CLSTN2: variants seen among roughly 807,000 people sequenced by gnomAD.
The protein encoded by CLSTN2 is calsyntenin-2.
CLSTN2 carries 48 observed loss-of-function variants against 101.2 expected under a neutral mutation model. That is an observed-to-expected ratio of 0.47 (90% confidence interval 0.38 to 0.60). The LOEUF (loss-of-function observed/expected upper bound fraction) is 0.60, where lower values mean the gene tolerates loss of function less well. Among genes scored for constraint, CLSTN2 ranks in the 20% least tolerant of loss-of-function variants. CLSTN2 has a pLI of 0.00. For missense variants in CLSTN2, 1,160 were observed against 1,238.2 expected (o/e 0.94, Z 0.95); for synonymous variants, 481 against 463.6 (o/e 1.04, Z -0.48).
At chr3:139,979,303 T>C (rs1209951402) in intron 1 of CLSTN2, among the ~76,000 whole-genome samples, 3 of 152,234 alleles carry the variant, frequency 2.0e-5, no homozygotes, top group Admixed American at 2.0e-4. Flanking sequence ...TTCTCACCTG[T>C]TCACAGAGGG....
At chr3:140,138,525 A>G (rs4683481) in intron 1 of CLSTN2, among the ~76,000 whole-genome samples, 127,822 of 152,172 alleles carry the variant, frequency 0.84, 53,771 homozygotes, top group East Asian at 0.92. Context: ...GGGGCTGTGG[A>G]AAGCCAGGTA....
chr3:140,156,621 G>A (rs2009958062), intron 1 of CLSTN2, among the ~76,000 whole-genome samples: 2 of 152,198 alleles, frequency 1.3e-5, no homozygotes, highest in Admixed American at 6.5e-5. Context: ...CAGTGACTGA[G>A]TGTGGGGATA....
At chr3:140,084,119 C>T (rs1416918408) in intron 1 of CLSTN2, among the ~76,000 whole-genome samples, 3 of 152,172 alleles carry the variant, frequency 2.0e-5, no homozygotes, top group Non-Finnish European at 4.4e-5. Flanking sequence ...TGGGAGGTCA[C>T]ATCCCGATGA....
chr3:140,251,327 T>C (rs1169517533), intron 2 of CLSTN2, among the ~76,000 whole-genome samples: 1 of 152,230 alleles, frequency 6.6e-6, no homozygotes, highest in African/African-American at 2.4e-5. Context: ...TGTCTCCTTC[T>C]ATTACAAAAG....
chr3:140,416,993 A>T (rs145251415), intron 4 of CLSTN2, among the ~76,000 whole-genome samples: 130 of 152,364 alleles, frequency 8.5e-4, no homozygotes, highest in African/African-American at 1.7e-3. Flanking sequence ...GAAAAGTGTT[A>T]TATGCCTTGT....
Position 140,417,504 on chromosome 3 carries a change from G to A in CLSTN2, c.638-3621G>A, listed in dbSNP as rs141952213. ...ATTTAAATTCTACTAGAAGAGTGTT[G>A]GTCAGTATGTCTGTTTTATCCCCTC... is the stretch of plus-strand genomic sequence containing the variant. On this transcript the variant is annotated intron_variant, in intron 4 of 16. Transcript: ENST00000458420. Among the ~76,000 whole-genome samples the A allele has an allele frequency of 1.6e-3, 248 of 152,126 alleles. 3 individuals are homozygous for A. The highest frequency in any genetic ancestry group is 5.8e-3 in the African/African-American group (239 of 41,530).
intron 1 of CLSTN2, among the ~76,000 whole-genome samples, chr3:139,981,807 C>G (rs1236505148): frequency 6.6e-6 from 1 of 152,224 alleles, no homozygotes; most frequent in Non-Finnish European, 1.5e-5. Flanking sequence ...CTGAGAGCCT[C>G]TATCTCCTTT....
chr3:140,385,286 C>T (rs113686600), intron 2 of CLSTN2, among the ~76,000 whole-genome samples: 1,517 of 150,840 alleles, frequency 0.01, 24 homozygotes, highest in African/African-American at 0.033. Context: ...ATCCATGAGA[C>T]GGCTCACTCT....
chr3:139,976,290 G>A (rs1023623084), intron 1 of CLSTN2, among the ~76,000 whole-genome samples: 1 of 152,152 alleles, frequency 6.6e-6, no homozygotes, highest in African/African-American at 2.4e-5. Context: ...AGGAATTAAA[G>A]GCCTTCCAGG....
chr3:139,942,106 G>C (rs550581241), intron 1 of CLSTN2, among the ~76,000 whole-genome samples: 162 of 152,302 alleles, frequency 1.1e-3, no homozygotes, highest in African/African-American at 3.7e-3. Flanking sequence ...ATGTCTGCTT[G>C]AGGAAGGCTC....
intron 2 of CLSTN2, among the ~76,000 whole-genome samples, chr3:140,188,827 G>A (rs142917156): frequency 6.6e-6 from 1 of 152,208 alleles, no homozygotes; most frequent in African/African-American, 2.4e-5. Flanking sequence ...CAAAGCTATG[G>A]TAAAATATCA....
chr3:140,248,986 G>A (rs1011851212), intron 2 of CLSTN2, among the ~76,000 whole-genome samples: 1 of 152,090 alleles, frequency 6.6e-6, no homozygotes, highest in East Asian at 1.9e-4. Context: ...GAAATTCATG[G>A]GAGTTCAGTT....
intron 12 of CLSTN2, among the ~76,000 whole-genome samples, chr3:140,559,620 A>G (rs1935870181): frequency 6.8e-6 from 1 of 148,018 alleles, no homozygotes; most frequent in Non-Finnish European, 1.5e-5. Context: ...AGGGAAGAAA[A>G]CCTCCCTTTT....
intron 2 of CLSTN2, among the ~76,000 whole-genome samples, chr3:140,285,806 G>A (rs1198688128): frequency 6.6e-6 from 1 of 152,144 alleles, no homozygotes; most frequent in Non-Finnish European, 1.5e-5. Context: ...GAATCACCCT[G>A]ATTTGCCCAG....
At chr3:140,091,473 CT>C (rs764020904) in intron 1 of CLSTN2, among the ~76,000 whole-genome samples, 45 of 152,318 alleles carry the variant, frequency 3.0e-4, no homozygotes, top group Middle Eastern at 3.4e-3. Flanking sequence ...ACACCAGAGC[CT>C]GCCTGGGCGG....
intron 9 of CLSTN2, among the ~76,000 whole-genome samples, chr3:140,538,456 G>A (rs1935402461): frequency 6.6e-6 from 1 of 152,170 alleles, no homozygotes; most frequent in East Asian, 1.9e-4. Flanking sequence ...GCAAAGAATA[G>A]GAAGGGTCAA....
chr3:140,142,506 C>T (rs188788258), intron 1 of CLSTN2, among the ~76,000 whole-genome samples: 3 of 152,278 alleles, frequency 2.0e-5, no homozygotes, highest in Admixed American at 6.5e-5. Context: ...CTATCCAAAC[C>T]CACACCAGGT....
At chr3:139,983,524 A>T (rs2107824873) in intron 1 of CLSTN2, among the ~76,000 whole-genome samples, 1 of 152,296 alleles carries the variant, frequency 6.6e-6, no homozygotes, top group Non-Finnish European at 1.5e-5. Context: ...AAATGCTGTT[A>T]TGTTATGAAC....
At chr3:140,211,251 T>C (rs2010851380) in intron 2 of CLSTN2, among the ~76,000 whole-genome samples, 1 of 151,798 alleles carries the variant, frequency 6.6e-6, no homozygotes, top group African/African-American at 2.4e-5. Context: ...ATCTTCAGAT[T>C]GTATAATTTT....
Sources: gnomAD v4.1 joint callset for allele counts (sites outside exome capture counted in the v4.1 genomes callset) on GRCh38, gnomAD v4.1.1 for gene constraint, MANE v1.5 for transcripts, NCBI Gene and HGNC (gene_info 2026-07-23, HGNC 2026-07-21) for gene names.